The following NFIB variants were observed in gnomAD, a reference collection of about 807,000 sequenced individuals.
NFIB encodes the protein nuclear factor I B, also known as nuclear factor 1 B-type.
A neutral mutation model predicts 61.5 loss-of-function variants in NFIB; 11 were observed. The observed-to-expected ratio is 0.18, with a 90% CI of 0.11 to 0.30. The LOEUF (loss-of-function observed/expected upper bound fraction) is 0.30, where lower values mean the gene tolerates loss of function less well. NFIB is among the 10% of genes least tolerant of loss of function. The pLI is 1.00. For synonymous variants in NFIB, 260 were observed against 216.5 expected, an observed-to-expected ratio of 1.20 and a Z score of -1.76; for missense variants, 471 against 608.9, an observed-to-expected ratio of 0.77 and a Z score of 2.38.
intron 5 of NFIB, among the ~76,000 whole-genome samples, chr9:14,149,450 A>C (rs1563836191): frequency 1.3e-5 from 2 of 152,170 alleles, no homozygotes; most frequent in African/African-American, 4.8e-5. Context: ...GATCTAGCTC[A>C]AATAAAAAAA....
At chr9:14,232,061 C>T (rs1046345800) in intron 2 of NFIB, among the ~76,000 whole-genome samples, 3 of 152,124 alleles carry the variant, frequency 2.0e-5, no homozygotes, top group Admixed American at 6.5e-5. Flanking sequence ...CAGTATGGAA[C>T]AGTATGATTT....
the NFIB span, among the ~76,000 whole-genome samples, chr9:14,407,283 C>T: frequency 6.6e-6 from 1 of 152,192 alleles, no homozygotes; most frequent in Admixed American, 6.5e-5. Context: ...CAGTTTAATA[C>T]TTTCATATGA....
At chr9:14,254,945 C>T (rs1375400928) in intron 2 of NFIB, among the ~76,000 whole-genome samples, 3 of 152,094 alleles carry the variant, frequency 2.0e-5, no homozygotes, top group African/African-American at 7.2e-5. Context: ...CTTATGAAAG[C>T]GCCAACCATG....
intron 10 of NFIB, among the ~76,000 whole-genome samples, chr9:14,104,287 G>T (rs1020452882): frequency 3.3e-5 from 5 of 152,172 alleles, no homozygotes; most frequent in Non-Finnish European, 7.4e-5. Context: ...TTTTAAATCA[G>T]ATGACATACT....
At chr9:14,126,265 A>C (rs1345510383) in intron 6 of NFIB, among the ~76,000 whole-genome samples, 2 of 152,238 alleles carry the variant, frequency 1.3e-5, no homozygotes, top group Non-Finnish European at 2.9e-5. Context: ...CTCCTTCTGC[A>C]AACGTTTACT....
the NFIB span, among the ~76,000 whole-genome samples, chr9:14,476,416 C>A: frequency 6.6e-6 from 1 of 152,110 alleles, no homozygotes; most frequent in Non-Finnish European, 1.5e-5. Flanking sequence ...CAAACTTGGA[C>A]AGTGATGTGA....
At chr9:14,357,063 G>T (rs1366339982) in intron 1 of NFIB, 1 of 152,158 alleles carries the variant, frequency 6.6e-6, no homozygotes, top group Admixed American at 6.5e-5. Context: ...TCCCTCAGGG[G>T]AATGAGTGAA....
At chr9:14,251,661 G>A (rs1005436947) in intron 2 of NFIB, among the ~76,000 whole-genome samples, 10 of 152,270 alleles carry the variant, frequency 6.6e-5, no homozygotes, top group East Asian at 3.9e-4. Flanking sequence ...TTCTCACCAC[G>A]GCCGAGGGGC....
intron 10 of NFIB, among the ~76,000 whole-genome samples, chr9:14,103,230 C>T (rs150550845): frequency 8.5e-5 from 13 of 152,074 alleles, no homozygotes; most frequent in African/African-American, 2.9e-4. Context: ...AGAGATTGTT[C>T]GAGTAACCCT....
intron 10 of NFIB, among the ~76,000 whole-genome samples, chr9:14,099,224 A>G (rs539079599): frequency 6.6e-6 from 1 of 152,358 alleles, no homozygotes; most frequent in East Asian, 1.9e-4. Context: ...GCCTTTTGTT[A>G]AAAGGCATCT....
intron 2 of NFIB, among the ~76,000 whole-genome samples, chr9:14,291,360 C>G (rs1296269823): frequency 6.6e-6 from 1 of 151,918 alleles, no homozygotes; most frequent in Non-Finnish European, 1.5e-5. Flanking sequence ...TGGTATGCAC[C>G]TGTAATCCCA....
intron 10 of NFIB, among the ~76,000 whole-genome samples, chr9:14,097,588 G>A (rs973120267): frequency 1.3e-5 from 2 of 151,954 alleles, no homozygotes; most frequent in Admixed American, 6.6e-5. Context: ...CTTATCATAC[G>A]TATGCCACAT....
chr9:14,418,659 C>T, the NFIB span, among the ~76,000 whole-genome samples: 1 of 152,152 alleles, frequency 6.6e-6, no homozygotes, highest in Admixed American at 6.5e-5. Flanking sequence ...CCCAGGAGAG[C>T]TCTCATATGA....
intron 2 of NFIB, among the ~76,000 whole-genome samples, chr9:14,220,661 G>A (rs1323583338): frequency 1.3e-5 from 2 of 151,862 alleles, no homozygotes; most frequent in African/African-American, 2.4e-5. Context: ...TCTCAACCTC[G>A]TAAACTTCAC....
At chr9:14,355,824 G>A (rs762955825) in intron 1 of NFIB, among the ~76,000 whole-genome samples, 29 of 152,276 alleles carry the variant, frequency 1.9e-4, no homozygotes, top group Non-Finnish European at 4.0e-4. Context: ...AGTCGTGGTG[G>A]CGGGTGCCTG....
intron 10 of NFIB, among the ~76,000 whole-genome samples, chr9:14,104,380 G>A (rs1033121229): frequency 5.3e-5 from 8 of 151,558 alleles, no homozygotes; most frequent in Admixed American, 2.6e-4. Context: ...AAAATGGGTC[G>A]TCTAATCAAA....
intron 4 of NFIB, among the ~76,000 whole-genome samples, chr9:14,155,166 T>A (rs1422924475): frequency 6.6e-6 from 1 of 152,192 alleles, no homozygotes; most frequent in Non-Finnish European, 1.5e-5. Flanking sequence ...ATCTTGGATA[T>A]GTTTGTACAT....
At chr9:14,503,138 G>GTA in the NFIB span, among the ~76,000 whole-genome samples, 13 of 149,584 alleles carry the variant, frequency 8.7e-5, no homozygotes, top group African/African-American at 2.7e-4. Context: ...GTGTGTGTGT[G>GTA]TATATATATA....
intron 1 of NFIB, among the ~76,000 whole-genome samples, chr9:14,335,266 C>CGTT (rs1278495056): frequency 1.3e-5 from 2 of 152,138 alleles, no homozygotes; most frequent in Non-Finnish European, 2.9e-5. Flanking sequence ...ATGTCAACAC[C>CGTT]GTTTTCCAAA....
Sources: gnomAD v4.1 joint callset for allele counts (sites outside exome capture counted in the v4.1 genomes callset) on GRCh38, gnomAD v4.1.1 for gene constraint, MANE v1.5 for transcripts, NCBI Gene and HGNC (gene_info 2026-07-23, HGNC 2026-07-21) for gene names.